The following BABAM2 variants were observed in gnomAD, a reference collection of about 807,000 sequenced individuals.
The protein encoded by BABAM2 is BRISC and BRCA1-A complex member 2.
Under a neutral mutation model 54.7 loss-of-function variants are expected in BABAM2, and 31 were observed. The observed-to-expected ratio is 0.57, with a 90% CI of 0.43 to 0.77. The LOEUF (loss-of-function observed/expected upper bound fraction) is 0.77, where lower values mean the gene tolerates loss of function less well. BABAM2 is among the 30% of genes least tolerant of loss of function. The pLI is 0.00. For synonymous variants in BABAM2, 167 were observed against 162.9 expected, an observed-to-expected ratio of 1.03 and a Z score of -0.19; for missense variants, 364 against 455.8, an observed-to-expected ratio of 0.80 and a Z score of 1.83.
intron 6 of BABAM2, among the ~76,000 whole-genome samples, chr2:28,057,620 C>T (rs1439815118): frequency 6.6e-6 from 1 of 152,024 alleles, no homozygotes; most frequent in Non-Finnish European, 1.5e-5. Context: ...TCTCATTACT[C>T]CATTTTCATC....
chr2:28,187,914 C>T (rs1466383563), intron 7 of BABAM2, among the ~76,000 whole-genome samples: 2 of 152,070 alleles, frequency 1.3e-5, no homozygotes, highest in African/African-American at 4.8e-5. Context: ...GCGATCTGCC[C>T]ACCTCGGCCT....
chr2:28,060,319 C>G (rs1186940455), intron 6 of BABAM2, among the ~76,000 whole-genome samples: 1 of 152,074 alleles, frequency 6.6e-6, no homozygotes, highest in Non-Finnish European at 1.5e-5. Context: ...TTAAAAAACT[C>G]TTAGGAATCT....
At chr2:28,312,955 G>T (rs2148286036) in intron 11 of BABAM2, among the ~76,000 whole-genome samples, 1 of 152,248 alleles carries the variant, frequency 6.6e-6, no homozygotes, top group South Asian at 2.1e-4. Context: ...CCTGATTACT[G>T]GTCCAAAGCC....
intron 6 of BABAM2, among the ~76,000 whole-genome samples, chr2:28,071,940 C>G (rs1664180899): frequency 1.3e-5 from 2 of 152,196 alleles, no homozygotes; most frequent in Non-Finnish European, 2.9e-5. Flanking sequence ...TCTTTGATAT[C>G]TGCTGTGCCA....
At chr2:27,993,430 G>T (rs1672915028) in intron 4 of BABAM2, among the ~76,000 whole-genome samples, 1 of 151,936 alleles carries the variant, frequency 6.6e-6, no homozygotes. Flanking sequence ...AATTTGGAGG[G>T]ATAAAAATAA....
chr2:28,062,872 T>C (rs1444296484), intron 6 of BABAM2, among the ~76,000 whole-genome samples: 1 of 152,264 alleles, frequency 6.6e-6, no homozygotes, highest in Non-Finnish European at 1.5e-5. Flanking sequence ...AGCCACTTAA[T>C]GTCACCACTA....
chr2:28,110,327 T>G (rs201792627), intron 6 of BABAM2, among the ~76,000 whole-genome samples: 1 of 152,152 alleles, frequency 6.6e-6, no homozygotes, highest in East Asian at 1.9e-4. Context: ...ATAATGCTAT[T>G]ATAAACACAG....
At chr2:28,298,078 C>A (rs1687837277) in intron 10 of BABAM2, among the ~76,000 whole-genome samples, 1 of 152,200 alleles carries the variant, frequency 6.6e-6, no homozygotes, top group Admixed American at 6.5e-5. Context: ...AGCATTCTTA[C>A]AGCACCTACA....
chr2:28,183,661 A>C (rs918348130), intron 7 of BABAM2, among the ~76,000 whole-genome samples: 1 of 151,786 alleles, frequency 6.6e-6, no homozygotes, highest in African/African-American at 2.4e-5. Flanking sequence ...TGTTTGCTCC[A>C]TTAGAATTCT....
intron 11 of BABAM2, among the ~76,000 whole-genome samples, chr2:28,319,434 T>C (rs1689836544): frequency 6.6e-6 from 1 of 152,272 alleles, no homozygotes. Flanking sequence ...GATGCCTTTG[T>C]GCGGGGCAGA....
At chr2:28,092,055 C>G (rs6547827) in intron 6 of BABAM2, among the ~76,000 whole-genome samples, 1 of 151,846 alleles carries the variant, frequency 6.6e-6, no homozygotes, top group Non-Finnish European at 1.5e-5. Context: ...CATTATACCT[C>G]GTGAATGAGC....
intron 5 of BABAM2, among the ~76,000 whole-genome samples, chr2:28,041,617 C>T (rs996770885): frequency 1.3e-5 from 2 of 152,160 alleles, no homozygotes; most frequent in South Asian, 2.1e-4. Flanking sequence ...CCTGTAACCC[C>T]GACCTTTTTG....
intron 2 of BABAM2, among the ~76,000 whole-genome samples, chr2:27,927,285 C>G (rs1667775065): frequency 6.6e-6 from 1 of 152,146 alleles, no homozygotes; most frequent in Non-Finnish European, 1.5e-5. Flanking sequence ...GTTATTCAAA[C>G]AAACTGGAAT....
chr2:28,040,387 G>A (rs1175043578), intron 5 of BABAM2, among the ~76,000 whole-genome samples: 1 of 132,762 alleles, frequency 7.5e-6, no homozygotes, highest in African/African-American at 2.8e-5. Context: ...TGCAAGCTCC[G>A]CCTCCCGGGT....
At chr2:28,327,582 T>A in intron 11 of BABAM2, 1 of 1,040,370 alleles carries the variant, frequency 9.6e-7, no homozygotes, top group African/African-American at 1.6e-5. Context: ...CAACACATAC[T>A]GAGACCACAG....
intron 7 of BABAM2, among the ~76,000 whole-genome samples, chr2:28,149,944 C>A (rs1671864071): frequency 6.6e-6 from 1 of 152,142 alleles, no homozygotes; most frequent in Non-Finnish European, 1.5e-5. Context: ...TGGTTAAAAT[C>A]ATATTTTGTT....
At chr2:27,907,420 C>T (rs1272784416) in intron 2 of BABAM2, among the ~76,000 whole-genome samples, 1 of 151,536 alleles carries the variant, frequency 6.6e-6, no homozygotes, top group African/African-American at 2.4e-5. Flanking sequence ...TCTGTGGACT[C>T]CTGAATTTTT....
chr2:28,044,297 T>C (rs558665685), intron 5 of BABAM2, among the ~76,000 whole-genome samples: 1 of 152,332 alleles, frequency 6.6e-6, no homozygotes, highest in South Asian at 2.1e-4. Flanking sequence ...TGGTGCAATA[T>C]TGGCTCACTG....
chr2:28,203,053 C>T (rs577589240), intron 7 of BABAM2, among the ~76,000 whole-genome samples: 7 of 152,192 alleles, frequency 4.6e-5, no homozygotes, highest in Admixed American at 4.6e-4. Context: ...AAAATTAAGA[C>T]GTACTGGAAT....
Sources: allele counts gnomAD v4.1 joint callset (sites outside exome capture counted in the v4.1 genomes callset), GRCh38; gene constraint gnomAD v4.1.1; transcripts MANE v1.5; gene names NCBI Gene and HGNC (gene_info 2026-07-23, HGNC 2026-07-21).